The following CADPS2 variants were observed in gnomAD, a reference collection of about 807,000 sequenced individuals.
The protein encoded by CADPS2 is calcium-dependent secretion activator 2.
CADPS2 carries 93 observed loss-of-function variants against 172.5 expected under a neutral mutation model. The observed-to-expected ratio is 0.54, with a 90% confidence interval of 0.46 to 0.64. The LOEUF is 0.64. Among genes scored for constraint, CADPS2 ranks in the 30% least tolerant of loss-of-function variants. The pLI, the probability that CADPS2 is intolerant of heterozygous loss-of-function variation, is 0.00. For missense variants in CADPS2, 1,420 were observed against 1,565.9 expected, an observed-to-expected ratio of 0.91 and a Z score of 1.57; for synonymous variants, 546 against 555.2, an observed-to-expected ratio of 0.98 and a Z score of 0.23.
intron 2 of CADPS2, among the ~76,000 whole-genome samples, chr7:122,717,252 A>G (rs1030115357): frequency 1.3e-5 from 2 of 152,134 alleles, no homozygotes; most frequent in Admixed American, 6.6e-5. Flanking sequence ...CATCTTCTCA[A>G]TTTGGTCCCA....
chr7:122,690,028 C>T (rs762480741), intron 2 of CADPS2, among the ~76,000 whole-genome samples: 4 of 152,120 alleles, frequency 2.6e-5, no homozygotes, highest in Admixed American at 6.5e-5. Flanking sequence ...TGGATGCACA[C>T]GCCAGGGCAA....
At chr7:122,415,972 G>C in intron 18 of CADPS2, 89 bp downstream of exon 18, 1 of 693,966 alleles carries the variant, frequency 1.4e-6, no homozygotes, top group Middle Eastern at 2.5e-4. Flanking sequence ...TATGTATCAA[G>C]ACTATGGGCA....
chr7:122,560,541 C>A (rs2065623548), intron 7 of CADPS2, among the ~76,000 whole-genome samples: 1 of 152,084 alleles, frequency 6.6e-6, no homozygotes, highest in Non-Finnish European at 1.5e-5. Flanking sequence ...TAGCCTCAAA[C>A]AGAGGAAGAA....
intron 1 of CADPS2, among the ~76,000 whole-genome samples, chr7:122,878,967 G>T (rs1435444974): frequency 6.6e-6 from 1 of 152,122 alleles, no homozygotes; most frequent in Non-Finnish European, 1.5e-5. Flanking sequence ...CGGGCATCTT[G>T]ACTCACACTT....
intron 6 of CADPS2, among the ~76,000 whole-genome samples, chr7:122,594,908 T>C (rs78492771): frequency 6.6e-6 from 1 of 151,908 alleles, no homozygotes; most frequent in African/African-American, 2.4e-5. Context: ...GAATAAGTAA[T>C]TGATGTATAA....
intron 14 of CADPS2, among the ~76,000 whole-genome samples, chr7:122,451,774 AG>A (rs2053153069): frequency 6.6e-6 from 1 of 152,206 alleles, no homozygotes; most frequent in South Asian, 2.1e-4. Context: ...AGTGTTTTAT[AG>A]TAGTACCAAA....
intron 1 of CADPS2, among the ~76,000 whole-genome samples, chr7:122,848,754 C>T (rs1336662736): frequency 1.3e-5 from 2 of 152,132 alleles, no homozygotes; most frequent in South Asian, 2.1e-4. Flanking sequence ...AATGCCATGA[C>T]GTCTCTGACT....
At chr7:122,732,564 G>GAATATAATAT (rs978116867) in intron 2 of CADPS2, among the ~76,000 whole-genome samples, 1 of 148,274 alleles carries the variant, frequency 6.7e-6, no homozygotes, top group South Asian at 2.1e-4. Flanking sequence ...TATTGTTGAA[G>GAATATAATAT]AATATAATAT....
At chr7:122,849,464 G>A (rs1000827335) in intron 1 of CADPS2, among the ~76,000 whole-genome samples, 2 of 152,128 alleles carry the variant, frequency 1.3e-5, no homozygotes, top group African/African-American at 4.8e-5. Flanking sequence ...TTCCAAGGAC[G>A]TTTCCTTGGT....
chr7:122,788,225 C>T (rs776469277), intron 1 of CADPS2, among the ~76,000 whole-genome samples: 8 of 152,138 alleles, frequency 5.3e-5, no homozygotes, highest in Admixed American at 1.3e-4. Flanking sequence ...TTTTCTGACT[C>T]ACTGGGAAAC....
chr7:122,772,610 C>A (rs1486933971), intron 1 of CADPS2, among the ~76,000 whole-genome samples: 4 of 151,972 alleles, frequency 2.6e-5, no homozygotes, highest in African/African-American at 9.7e-5. Context: ...ACAGAAAAAT[C>A]CACTGGCAAA....
At chr7:122,468,386 C>G (rs1036121732) in intron 14 of CADPS2, among the ~76,000 whole-genome samples, 1 of 152,150 alleles carries the variant, frequency 6.6e-6, no homozygotes, top group East Asian at 1.9e-4. Context: ...GAAGCACATT[C>G]TCACAAGGAG....
chr7:122,796,722 A>C (rs1189880023), intron 1 of CADPS2, among the ~76,000 whole-genome samples: 1 of 152,168 alleles, frequency 6.6e-6, no homozygotes, highest in African/African-American at 2.4e-5. Context: ...CTCAAGATGG[A>C]AAAAAGACTT....
intron 17 of CADPS2, among the ~76,000 whole-genome samples, chr7:122,423,221 G>A (rs568424913): frequency 1.3e-5 from 2 of 152,144 alleles, no homozygotes. Flanking sequence ...TCTAGGGCAA[G>A]TAGGCTCCAG....
chr7:122,773,919 C>T (rs1038815114), intron 1 of CADPS2, among the ~76,000 whole-genome samples: 6 of 151,944 alleles, frequency 3.9e-5, no homozygotes, highest in Non-Finnish European at 8.8e-5. Context: ...CTTGTTTGTT[C>T]TGACAATAGA....
intron 14 of CADPS2, among the ~76,000 whole-genome samples, chr7:122,452,511 T>A (rs2053256389): frequency 6.6e-6 from 1 of 152,186 alleles, no homozygotes; most frequent in Admixed American, 6.5e-5. Context: ...TTCTCCTGCC[T>A]CAGCCTCCTG....
intron 6 of CADPS2, among the ~76,000 whole-genome samples, chr7:122,605,968 C>T (rs1255781225): frequency 2.0e-5 from 3 of 151,944 alleles, no homozygotes; most frequent in African/African-American, 7.3e-5. Flanking sequence ...AATTTAATTC[C>T]TGCCTATTTA....
At chr7:122,851,789 ACCCCGT>A (rs1813707781) in intron 1 of CADPS2, among the ~76,000 whole-genome samples, 1 of 152,002 alleles carries the variant, frequency 6.6e-6, no homozygotes, top group Admixed American at 6.6e-5. Context: ...GAAAGACCCA[ACCCCGT>A]GATTCAATTA....
At chr7:122,336,933 A>C (rs940584240) in intron 28 of CADPS2, among the ~76,000 whole-genome samples, 2 of 152,308 alleles carry the variant, frequency 1.3e-5, no homozygotes, top group East Asian at 3.9e-4. Context: ...AGCATCAGCA[A>C]ATCTGAGCAC....
Sources: gnomAD v4.1 joint callset for allele counts (sites outside exome capture counted in the v4.1 genomes callset) on GRCh38, gnomAD v4.1.1 for gene constraint, MANE v1.5 for transcripts, NCBI Gene and HGNC (gene_info 2026-07-23, HGNC 2026-07-21) for gene names.